The following FRYL variants were observed in gnomAD, a reference collection of about 807,000 sequenced individuals.
FRYL encodes the protein FRY like transcription coactivator.
A neutral mutation model predicts 351.2 loss-of-function variants in FRYL; 150 were observed. The ratio of observed to expected loss-of-function variants is 0.43; its 90% CI spans 0.37 to 0.49. FRYL has a LOEUF of 0.49. FRYL is among the 20% of genes least tolerant of loss of function. FRYL has a pLI of 0.00. For synonymous variants in FRYL, 1,153 were observed against 1,257.1 expected, an observed-to-expected ratio of 0.92 and a Z score of 1.75; for missense variants, 3,036 against 3,619.3, an observed-to-expected ratio of 0.84 and a Z score of 4.13.
At chr4:48,757,806 G>A (rs1773954436) in intron 1 of FRYL, among the ~76,000 whole-genome samples, 1 of 152,164 alleles carries the variant, frequency 6.6e-6, no homozygotes, top group African/African-American at 2.4e-5. Flanking sequence ...GAACAAAGCT[G>A]GAGGCATCAT....
intron 55 of FRYL, among the ~76,000 whole-genome samples, chr4:48,515,960 AAGT>A (rs1402296297): frequency 6.6e-6 from 1 of 152,108 alleles, no homozygotes; most frequent in African/African-American, 2.4e-5. Flanking sequence ...TTCCGGATAT[AAGT>A]AGGAGAGATG....
chr4:48,620,825 T>C, intron 5 of FRYL, 47 bp from the exon 6 acceptor site: 1 of 1,514,964 alleles, frequency 6.6e-7, no homozygotes, highest in Non-Finnish European at 9.1e-7. Context: ...ACACTGAATG[T>C]ACCACACTCT....
chr4:48,617,367 G>A (rs553247540), intron 7 of FRYL, among the ~76,000 whole-genome samples: 3 of 141,848 alleles, frequency 2.1e-5, no homozygotes, highest in Admixed American at 1.4e-4. Flanking sequence ...TTTTTTTAAA[G>A]AGACAGGGTC....
rs1403575109 is a variant in FRYL, at chr4:48,769,431, G to A, written c.-384+10647C>T. ...ATATAAAATAATGATAATACGAAATGTTGGAGAGGATATAGAGAAACTTTC... is the reference window on the plus strand; with the variant it reads ...ATATAAAATAATGATAATACGAAATATTGGAGAGGATATAGAGAAACTTTC... On this transcript the variant is annotated intron_variant, in intron 1 of 63. Coordinates refer to ENST00000358350, the MANE Select transcript of FRYL (RefSeq NM_015030.2). Among the ~76,000 whole-genome samples the A allele has an allele frequency of 4.6e-5, 7 of 152,300 alleles. No individual in the cohort carries two copies. In the South Asian group the frequency reaches 1.0e-3, roughly 23 times the overall value.
chr4:48,546,164 C>A lies in FRYL; in HGVS notation c.5182G>T (p.Ala1728Ser), dbSNP rs80258342. ...SSISLGNNSA[A>S]ISHLHTTILN... ...ATAGTGGTGTGCAGATGTGAAATGG[C>A]AGCACTGTTATTTCCTAAGCTGATA... Residue 1728 changes from alanine (A) to serine (S), a missense_variant, in exon 42 of 64, where the codon GCC becomes TCC. Physicochemically the swap from Ala to Ser is moderately conservative, Grantham distance 99. Coordinates refer to ENST00000358350, the MANE Select transcript of FRYL (RefSeq NM_015030.2). The A allele has an allele frequency of 3.5e-5, 56 of 1,613,712 alleles. No homozygotes were observed. The highest frequency in any genetic ancestry group is 4.7e-5 in the Non-Finnish European group (55 of 1,179,816).
intron 3 of FRYL, among the ~76,000 whole-genome samples, chr4:48,655,371 G>A (rs1004084337): frequency 6.6e-6 from 1 of 151,930 alleles, no homozygotes. Context: ...TAGACACCAG[G>A]ATTTCTCCTC....
chr4:48,712,837 G>A (rs1366865976), intron 1 of FRYL, among the ~76,000 whole-genome samples: 10 of 152,102 alleles, frequency 6.6e-5, no homozygotes, highest in South Asian at 4.1e-4. Context: ...GACAAAGGTC[G>A]GGTTACCCAC....
At chr4:48,541,966 G>A (rs1730272846) in intron 45 of FRYL, 61 bp downstream of exon 45, 4 of 1,096,604 alleles carry the variant, frequency 3.6e-6, no homozygotes, top group Non-Finnish European at 5.6e-6. Flanking sequence ...AAAAGTTATA[G>A]CTATATGTAG....
intron 56 of FRYL, among the ~76,000 whole-genome samples, chr4:48,513,893 G>T (rs938514906): frequency 2.0e-5 from 3 of 152,170 alleles, no homozygotes; most frequent in Admixed American, 6.5e-5. Flanking sequence ...CAGCCTTTTA[G>T]AAAGCCAAAT....
At chr4:48,747,287 G>GA (rs1157642372) in intron 1 of FRYL, among the ~76,000 whole-genome samples, 6 of 152,154 alleles carry the variant, frequency 3.9e-5, no homozygotes, top group African/African-American at 1.2e-4. Flanking sequence ...GTGATAAGGG[G>GA]AAAAAATCAA....
intron 3 of FRYL, among the ~76,000 whole-genome samples, chr4:48,671,877 A>AAAAAAAAAAAG (rs1762805460): frequency 6.8e-6 from 1 of 147,296 alleles, no homozygotes; most frequent in Non-Finnish European, 1.5e-5. Context: ...AAAAAACAAA[A>AAAAAAAAAAAG]AAAAAAAAAA....
At chr4:48,548,050 A>G (rs1731767657) in intron 40 of FRYL, among the ~76,000 whole-genome samples, 1 of 152,098 alleles carries the variant, frequency 6.6e-6, no homozygotes, top group South Asian at 2.1e-4. Context: ...AAATTCATGG[A>G]AATGAATTTT....
At chr4:48,711,293 G>C (rs1337816327) in intron 1 of FRYL, among the ~76,000 whole-genome samples, 1 of 142,976 alleles carries the variant, frequency 7.0e-6, no homozygotes, top group East Asian at 2.1e-4. Context: ...AAGGGGTCAG[G>C]GAGTTCCCTT....
chr4:48,563,706 TA>T (rs78922907), intron 31 of FRYL, among the ~76,000 whole-genome samples: 526 of 123,010 alleles, frequency 4.3e-3, no homozygotes, highest in East Asian at 0.011. Context: ...AGACCATGTC[TA>T]AAAAAAAAAA....
intron 27 of FRYL, among the ~76,000 whole-genome samples, chr4:48,568,396 T>C (rs1264657794): frequency 6.6e-6 from 1 of 152,206 alleles, no homozygotes; most frequent in East Asian, 1.9e-4. Flanking sequence ...ATTAAGCATA[T>C]ATCCAGTATC....
chr4:48,616,327 T>C (rs997991661), intron 7 of FRYL, among the ~76,000 whole-genome samples: 3 of 152,184 alleles, frequency 2.0e-5, no homozygotes, highest in Non-Finnish European at 4.4e-5. Context: ...AATCAATGAA[T>C]TTGCTTTATA....
chr4:48,769,564 C>G (rs997020427), intron 1 of FRYL, among the ~76,000 whole-genome samples: 2 of 152,144 alleles, frequency 1.3e-5, no homozygotes, highest in African/African-American at 4.8e-5. Flanking sequence ...TACAGTATGA[C>G]CCAGTAATTG....
intron 1 of FRYL, among the ~76,000 whole-genome samples, chr4:48,716,202 G>A (rs923317107): frequency 2.6e-5 from 4 of 151,792 alleles, no homozygotes; most frequent in African/African-American, 7.2e-5. Flanking sequence ...TACCATTCAG[G>A]ACATAGGCAT....
intron 11 of FRYL, among the ~76,000 whole-genome samples, chr4:48,605,128 G>C (rs1249646510): frequency 1.3e-5 from 2 of 152,178 alleles, no homozygotes; most frequent in East Asian, 3.8e-4. Context: ...GGAAACGGGG[G>C]CTGTGTAACT....
Sources: gnomAD v4.1 joint callset for allele counts (sites outside exome capture counted in the v4.1 genomes callset) on GRCh38, gnomAD v4.1.1 for gene constraint, MANE v1.5 for transcripts, NCBI Gene and HGNC (gene_info 2026-07-23, HGNC 2026-07-21) for gene names.